KCNK13: variants seen among roughly 807,000 people sequenced by gnomAD.
KCNK13 encodes potassium channel subfamily K member 13.
Under a neutral mutation model 23.4 loss-of-function variants are expected in KCNK13, and 12 were observed. The ratio of observed to expected loss-of-function variants is 0.51; its 90% CI spans 0.33 to 0.83. The LOEUF is 0.83. Among genes scored for constraint, KCNK13 ranks in the 40% least tolerant of loss-of-function variants. The pLI is 0.02. For missense variants in KCNK13, 463 were observed against 556.3 expected (o/e 0.83, Z 1.69); for synonymous variants, 231 against 229.5 (o/e 1.01, Z -0.06).
At chr14:90,073,724 G>GC (rs1003084370) in intron 1 of KCNK13, among the ~76,000 whole-genome samples, 3 of 152,182 alleles carry the variant, frequency 2.0e-5, no homozygotes, top group African/African-American at 7.2e-5. Flanking sequence ...AGGCTGGAGT[G>GC]CAGTGGCACG....
chr14:90,166,062 A>G (rs773500884), intron 1 of KCNK13, among the ~76,000 whole-genome samples: 3 of 152,238 alleles, frequency 2.0e-5, no homozygotes, highest in Non-Finnish European at 4.4e-5. Context: ...CAGTTAGAAT[A>G]GCTGTAATTT....
chr14:90,105,651 TG>T (rs1448089651), intron 1 of KCNK13, among the ~76,000 whole-genome samples: 21 of 151,800 alleles, frequency 1.4e-4, no homozygotes, highest in Non-Finnish European at 2.4e-4. Flanking sequence ...TCAAGGAAGT[TG>T]TTTTTTTTTT....
intron 1 of KCNK13, among the ~76,000 whole-genome samples, chr14:90,169,340 T>C (rs2140442592): frequency 6.6e-6 from 1 of 152,306 alleles, no homozygotes; most frequent in East Asian, 1.9e-4. Flanking sequence ...GGTCGCCTTC[T>C]TGTGTGTTAT....
intron 1 of KCNK13, among the ~76,000 whole-genome samples, chr14:90,078,214 G>A (rs1889162837): frequency 6.6e-6 from 1 of 152,148 alleles, no homozygotes; most frequent in Admixed American, 6.5e-5. Context: ...TAAGTCAGGA[G>A]TTTGAGACCA....
At chr14:90,115,592 A>C (rs1889667355) in intron 1 of KCNK13, among the ~76,000 whole-genome samples, 1 of 152,182 alleles carries the variant, frequency 6.6e-6, no homozygotes, top group Admixed American at 6.5e-5. Flanking sequence ...CTTGCCGACT[A>C]TATGGTCTCT....
chr14:90,100,141 G>C (rs1183309112), intron 1 of KCNK13, among the ~76,000 whole-genome samples: 3 of 152,182 alleles, frequency 2.0e-5, no homozygotes, highest in Non-Finnish European at 1.5e-5. Flanking sequence ...TCCCACTTTG[G>C]AGTTAATAGC....
chr14:90,166,705 C>CA (rs11406494), intron 1 of KCNK13, among the ~76,000 whole-genome samples: 26,009 of 110,546 alleles, frequency 0.24, 2,399 homozygotes, highest in Admixed American at 0.35. Context: ...GACTCTGTCT[C>CA]AAAAAAAAAA....
At chr14:90,064,054 C>T (rs1296956888) in intron 1 of KCNK13, among the ~76,000 whole-genome samples, 1 of 152,116 alleles carries the variant, frequency 6.6e-6, no homozygotes, top group Non-Finnish European at 1.5e-5. Flanking sequence ...CCATGGTTCT[C>T]CCCCTGAGCC....
chr14:90,155,647 G>T (rs1890185171), intron 1 of KCNK13, among the ~76,000 whole-genome samples: 1 of 152,176 alleles, frequency 6.6e-6, no homozygotes, highest in African/African-American at 2.4e-5. Context: ...AGAACAAACG[G>T]GATCTCTTGA....
chr14:90,131,341 C>T (rs1054032608), intron 1 of KCNK13, among the ~76,000 whole-genome samples: 4 of 152,020 alleles, frequency 2.6e-5, no homozygotes, highest in Admixed American at 1.3e-4. Context: ...AAGTGATTCT[C>T]CTGCCTCAGC....
At chr14:90,107,643 G>A (rs1218643776) in intron 1 of KCNK13, 2 of 637,146 alleles carry the variant, frequency 3.1e-6, no homozygotes, top group African/African-American at 3.7e-5. Flanking sequence ...TACAACTGAG[G>A]ATTCTTCCCA....
intron 1 of KCNK13, among the ~76,000 whole-genome samples, chr14:90,092,137 T>A (rs542134382): frequency 6.6e-6 from 1 of 152,268 alleles, no homozygotes; most frequent in African/African-American, 2.4e-5. Context: ...TTAGCCAGGA[T>A]GGTCTCCATC....
At chr14:90,123,000 A>C (rs1477665251) in intron 1 of KCNK13, among the ~76,000 whole-genome samples, 3 of 152,192 alleles carry the variant, frequency 2.0e-5, no homozygotes, top group Non-Finnish European at 2.9e-5. Flanking sequence ...CCGAGATCAC[A>C]TGGCCAGTTA....
chr14:90,066,328 G>A (rs1596762409), intron 1 of KCNK13, among the ~76,000 whole-genome samples: 1 of 149,662 alleles, frequency 6.7e-6, no homozygotes. Flanking sequence ...GCAGTGGCAT[G>A]AGCTTGGTTC....
chr14:90,085,221 A>C (rs1421861947), intron 1 of KCNK13, among the ~76,000 whole-genome samples: 3 of 152,116 alleles, frequency 2.0e-5, no homozygotes, highest in African/African-American at 7.2e-5. Context: ...CTAGGATTAC[A>C]GGTGTGAGCC....
intron 1 of KCNK13, among the ~76,000 whole-genome samples, chr14:90,180,715 T>A (rs1890475142): frequency 6.6e-6 from 1 of 152,142 alleles, no homozygotes; most frequent in Non-Finnish European, 1.5e-5. Flanking sequence ...ACTGGAAAAA[T>A]CAGCTCATCA....
intron 1 of KCNK13, among the ~76,000 whole-genome samples, chr14:90,087,969 G>A (rs777301883): frequency 6.6e-6 from 1 of 151,922 alleles, no homozygotes; most frequent in Non-Finnish European, 1.5e-5. Flanking sequence ...GTGATTCAAT[G>A]CTACTTCTTG....
intron 1 of KCNK13, among the ~76,000 whole-genome samples, chr14:90,151,768 T>A (rs1414945815): frequency 6.6e-6 from 1 of 152,206 alleles, no homozygotes; most frequent in East Asian, 1.9e-4. Context: ...GGTCTTAATG[T>A]TTAAGTCTTC....
intron 1 of KCNK13, among the ~76,000 whole-genome samples, chr14:90,175,321 T>C (rs1890410647): frequency 6.6e-6 from 1 of 152,168 alleles, no homozygotes; most frequent in African/African-American, 2.4e-5. Flanking sequence ...GGTCCCTACT[T>C]CATCTCAAAA....
Sources: allele counts gnomAD v4.1 joint callset (sites outside exome capture counted in the v4.1 genomes callset), GRCh38; gene constraint gnomAD v4.1.1; transcripts MANE v1.5; gene names NCBI Gene and HGNC (gene_info 2026-07-23, HGNC 2026-07-21).